The following ACSF3 variants were observed in gnomAD, a reference collection of about 807,000 sequenced individuals.
ACSF3 encodes the protein acyl-CoA synthetase family member 3.
A neutral mutation model predicts 53.2 loss-of-function variants in ACSF3; 78 were observed. The ratio of observed to expected loss-of-function variants is 1.47; its 90% CI spans 1.22 to 1.77. ACSF3 has a LOEUF of 1.77. Among genes scored for constraint, ACSF3 ranks in the 40% most tolerant of loss-of-function variants. The pLI, the probability that ACSF3 is intolerant of heterozygous loss-of-function variation, is 0.00. For missense variants in ACSF3, 937 were observed against 771.1 expected, an observed-to-expected ratio of 1.22 and a Z score of -2.55; for synonymous variants, 414 against 333.1, an observed-to-expected ratio of 1.24 and a Z score of -2.65.
intron 7 of ACSF3, among the ~76,000 whole-genome samples, chr16:89,128,238 A>AAT (rs199855021): frequency 1.1e-4 from 17 of 150,058 alleles, no homozygotes; most frequent in East Asian, 9.7e-4. Flanking sequence ...ATTTATATAT[A>AAT]ATATATATAT....
intron 6 of ACSF3, among the ~76,000 whole-genome samples, chr16:89,119,927 C>T (rs759061275): frequency 6.6e-6 from 1 of 152,242 alleles, no homozygotes; most frequent in African/African-American, 2.4e-5. Flanking sequence ...ACATGATAAG[C>T]GTTCAGGCAC....
At position 89,132,581 on chromosome 16, in the gene ACSF3, C is replaced by T. The variant is rs373807840; in HGVS notation, c.1240-555C>T. ...AACAGGGGCCTCCAGGGACCCTCCA[C>T]CCTCAGGCCCCACCTTCCCTTCCCA... On this transcript the variant is annotated intron_variant, in intron 7 of 10. Transcript: ENST00000614302. Among the ~76,000 whole-genome samples the T allele has an allele frequency of 4.9e-4, 75 of 152,376 alleles. 2 individuals are homozygous for T. In the South Asian group the frequency reaches 0.015, roughly 31 times the overall value.
intron 8 of ACSF3, among the ~76,000 whole-genome samples, chr16:89,135,973 C>T (rs1054643123): frequency 2.0e-5 from 3 of 152,230 alleles, no homozygotes; most frequent in Non-Finnish European, 2.9e-5. Flanking sequence ...CAGGGTTTTG[C>T]CATGTTGGCC....
intron 8 of ACSF3, chr16:89,141,138 G>C (rs1247244451): frequency 1.6e-6 from 2 of 1,287,260 alleles, no homozygotes; most frequent in Non-Finnish European, 2.0e-6. Context: ...TCCTCCCGCG[G>C]GGTGTCCGAC....
intron 7 of ACSF3, among the ~76,000 whole-genome samples, chr16:89,123,297 G>A (rs1023465852): frequency 1.3e-5 from 2 of 152,158 alleles, no homozygotes; most frequent in African/African-American, 4.8e-5. Context: ...GATGATGGGC[G>A]CTGTGAACTC....
chr16:89,118,910 G>A (rs929710894), intron 6 of ACSF3, among the ~76,000 whole-genome samples: 1 of 152,200 alleles, frequency 6.6e-6, no homozygotes, highest in African/African-American at 2.4e-5. Flanking sequence ...TGGCCTTTGC[G>A]GGGCCAGCCT....
chr16:89,152,142 C>T (rs972018582), intron 10 of ACSF3: 2 of 152,268 alleles, frequency 1.3e-5, no homozygotes, highest in African/African-American at 4.8e-5. Context: ...TCACCACTGC[C>T]ACCCAGTCTC....
chr16:89,151,085 ACGAAACCT>A (rs1914000936), intron 10 of ACSF3: 1 of 1,280,586 alleles, frequency 7.8e-7, no homozygotes. Context: ...TCGGAAGGAA[ACGAAACCT>A]CGCCTCAGGC....
At chr16:89,152,016 A>G (rs1290285895) in intron 10 of ACSF3, 1 of 152,276 alleles carries the variant, frequency 6.6e-6, no homozygotes, top group African/African-American at 2.4e-5. Context: ...AACTAGGAGA[A>G]GAAGGAAAAT....
chr16:89,142,859 G>T (rs1030682580), intron 8 of ACSF3, among the ~76,000 whole-genome samples: 1 of 152,254 alleles, frequency 6.6e-6, no homozygotes, highest in African/African-American at 2.4e-5. Context: ...GAGAGGTTGG[G>T]TCTTGCATCT....
chr16:89,135,798 G>A (rs979921028), intron 8 of ACSF3, among the ~76,000 whole-genome samples: 7 of 152,214 alleles, frequency 4.6e-5, no homozygotes, highest in African/African-American at 1.2e-4. Context: ...TTTTTGAGAC[G>A]GAGTCTCGCT....
At chr16:89,098,510 C>T (rs1555559159) in intron 1 of ACSF3, 81 bp from the exon 2 acceptor site, 1 of 372,024 alleles carries the variant, frequency 2.7e-6, no homozygotes, top group Non-Finnish European at 5.4e-6. Flanking sequence ...GCTTCCCTTC[C>T]CCCATTGAGT....
intron 7 of ACSF3, among the ~76,000 whole-genome samples, chr16:89,125,125 C>G (rs1230394526): frequency 6.6e-6 from 1 of 151,970 alleles, no homozygotes; most frequent in Middle Eastern, 3.2e-3. Context: ...GGGCAGATCA[C>G]CTGAGGTCAG....
intron 7 of ACSF3, among the ~76,000 whole-genome samples, chr16:89,130,213 C>T (rs1009321765): frequency 2.0e-5 from 3 of 152,126 alleles, no homozygotes; most frequent in African/African-American, 7.2e-5. Flanking sequence ...ATCTTCCTTC[C>T]TGAAGGATAT....
intron 10 of ACSF3, chr16:89,151,328 A>T (rs953844438): frequency 4.8e-6 from 2 of 412,522 alleles, no homozygotes; most frequent in Non-Finnish European, 9.7e-6. Context: ...GAAGGCAAAA[A>T]ATAAAACCAG....
chr16:89,096,977 C>G (rs1974692008), intron 1 of ACSF3, among the ~76,000 whole-genome samples: 1 of 152,232 alleles, frequency 6.6e-6, no homozygotes, highest in Non-Finnish European at 1.5e-5. Flanking sequence ...TCTTCTCAGC[C>G]TGCACTTTGA....
intron 7 of ACSF3, among the ~76,000 whole-genome samples, chr16:89,121,907 C>G (rs1371186537): frequency 6.6e-6 from 1 of 152,238 alleles, no homozygotes; most frequent in Non-Finnish European, 1.5e-5. Context: ...GGGTGGCTTT[C>G]AGTGTCATTA....
chr16:89,130,301 G>A (rs1909016922), intron 7 of ACSF3, among the ~76,000 whole-genome samples: 1 of 152,188 alleles, frequency 6.6e-6, no homozygotes, highest in Non-Finnish European at 1.5e-5. Flanking sequence ...GCTGGATGTG[G>A]CAGCTCATGC....
intron 10 of ACSF3, among the ~76,000 whole-genome samples, chr16:89,146,341 G>A (rs1912954580): frequency 6.6e-6 from 1 of 152,170 alleles, no homozygotes; most frequent in Non-Finnish European, 1.5e-5. Flanking sequence ...CCTGGTCCCA[G>A]GAGAGATCCC....
Sources: allele counts gnomAD v4.1 joint callset (sites outside exome capture counted in the v4.1 genomes callset), GRCh38; gene constraint gnomAD v4.1.1; transcripts MANE v1.5; gene names NCBI Gene and HGNC (gene_info 2026-07-23, HGNC 2026-07-21).